KCNAB1: variants seen among roughly 807,000 people sequenced by gnomAD.
The protein encoded by KCNAB1 is potassium voltage-gated channel subfamily A regulatory beta subunit 1.
In KCNAB1, 35 loss-of-function variants were observed where a neutral mutation model predicts 64.6. That is an observed-to-expected ratio of 0.54 (90% CI 0.41 to 0.72). KCNAB1 has a LOEUF of 0.72. Among genes scored for constraint, KCNAB1 ranks in the 30% least tolerant of loss-of-function variants. KCNAB1 has a pLI of 0.00. For synonymous variants in KCNAB1, 177 were observed against 183.8 expected (o/e 0.96, Z 0.30); for missense variants, 401 against 512.9 (o/e 0.78, Z 2.11).
chr3:156,430,585 C>T (rs1716136156), intron 2 of KCNAB1, among the ~76,000 whole-genome samples: 1 of 152,148 alleles, frequency 6.6e-6, no homozygotes, highest in Non-Finnish European at 1.5e-5. Context: ...CCACCAGCTC[C>T]ATTGTGAGAA....
At chr3:156,317,175 G>A (rs1315673443) in intron 1 of KCNAB1, among the ~76,000 whole-genome samples, 1 of 152,126 alleles carries the variant, frequency 6.6e-6, no homozygotes. Context: ...ATTCTACTCA[G>A]AGGTGGGATA....
chr3:156,523,186 A>G (rs1202865682), intron 11 of KCNAB1, among the ~76,000 whole-genome samples: 1 of 152,242 alleles, frequency 6.6e-6, no homozygotes, highest in Non-Finnish European at 1.5e-5. Flanking sequence ...CAATAGTTAT[A>G]CAATAGGTAA....
At chr3:156,469,764 A>G (rs1055212270) in intron 7 of KCNAB1, among the ~76,000 whole-genome samples, 2 of 152,218 alleles carry the variant, frequency 1.3e-5, no homozygotes, top group Non-Finnish European at 2.9e-5. Context: ...TGCCAAAGAT[A>G]AAGCCTTGTG....
chr3:156,280,762 C>G (rs1184325849), intron 1 of KCNAB1, among the ~76,000 whole-genome samples: 6 of 151,576 alleles, frequency 4.0e-5, no homozygotes, highest in Non-Finnish European at 8.9e-5. Flanking sequence ...TGATTTGGCT[C>G]TCTGTCTGTT....
Position 156,399,019 on chromosome 3 carries a change from GCT to G in KCNAB1, c.276-22588_276-22587del, listed in dbSNP as rs1013169417. ...CTCCCATCAATCTCCTACCCACCAAGCTCTCTCTCTTTAATACCTCCCTCTTC... is the reference window on the plus strand; with the variant it reads ...CTCCCATCAATCTCCTACCCACCAAGCTCTCTCTTTAATACCTCCCTCTTC... On this transcript the variant is annotated intron_variant, in intron 1 of 13. Coordinates refer to ENST00000490337, the MANE Select transcript of KCNAB1 (RefSeq NM_172160.3). 4.6e-4 allele frequency among the ~76,000 whole-genome samples: 70 copies of G among 152,176 alleles called. 2 individuals are homozygous for G. The highest frequency in any genetic ancestry group is 1.6e-3 in the African/African-American group (65 of 41,530).
chr3:156,284,590 C>T (rs1425165220), intron 1 of KCNAB1, among the ~76,000 whole-genome samples: 2 of 152,202 alleles, frequency 1.3e-5, no homozygotes, highest in African/African-American at 2.4e-5. Context: ...GCAGTTTGAT[C>T]TCAGACTGCT....
rs1375914538 is a variant in KCNAB1 at position 156,537,181 on chromosome 3, A to AT, written c.*439dup. ...TTCAGTGAAGGAAAGGAATTGAGAG[A>AT]TTTTTCTTAGTAAATAGATTATTGT... On this transcript the variant is annotated 3_prime_UTR_variant, in exon 14 of 14. Transcript: ENST00000490337. 6 of 397,006 alleles carry AT rather than the reference A, an allele frequency of 1.5e-5. No individual in the cohort carries two copies. The highest frequency in any genetic ancestry group is 2.2e-5 in the Non-Finnish European group (5 of 225,360). The allele number at this position is 397,006 out of a possible 1,614,324, so 24.6% of individuals were successfully genotyped here.
chr3:156,478,133 A>T (rs1250866156), intron 8 of KCNAB1, among the ~76,000 whole-genome samples: 1 of 152,166 alleles, frequency 6.6e-6, no homozygotes, highest in Non-Finnish European at 1.5e-5. Context: ...TGAAAAAATC[A>T]TCACCAGATA....
intron 1 of KCNAB1, among the ~76,000 whole-genome samples, chr3:156,276,034 C>A (rs1289676028): frequency 6.6e-6 from 1 of 151,900 alleles, no homozygotes; most frequent in Non-Finnish European, 1.5e-5. Flanking sequence ...GCAGCTGTAG[C>A]CTTATGAAAT....
intron 1 of KCNAB1, among the ~76,000 whole-genome samples, chr3:156,249,995 G>T (rs1339245592): frequency 2.6e-5 from 4 of 152,206 alleles, no homozygotes; most frequent in African/African-American, 9.6e-5. Flanking sequence ...AGGGGAAACT[G>T]ATTGGAGTGA....
At chr3:156,174,844 A>T (rs1358202086) in intron 1 of KCNAB1, among the ~76,000 whole-genome samples, 1 of 152,212 alleles carries the variant, frequency 6.6e-6, no homozygotes, top group African/African-American at 2.4e-5. Flanking sequence ...ATGAGGGTGC[A>T]TCTGCCAGTG....
chr3:156,253,315 G>A (rs927799336), intron 1 of KCNAB1, among the ~76,000 whole-genome samples: 3 of 152,166 alleles, frequency 2.0e-5, no homozygotes, highest in East Asian at 1.9e-4. Context: ...AGTGAGATAC[G>A]TGGCTGAAAC....
intron 1 of KCNAB1, among the ~76,000 whole-genome samples, chr3:156,268,220 C>T (rs766386439): frequency 1.3e-5 from 2 of 151,902 alleles, no homozygotes; most frequent in Non-Finnish European, 2.9e-5. Flanking sequence ...TTTTTATGGC[C>T]GAATAAAATT....
At chr3:156,210,005 T>C (rs1714915052) in intron 1 of KCNAB1, among the ~76,000 whole-genome samples, 1 of 152,220 alleles carries the variant, frequency 6.6e-6, no homozygotes, top group South Asian at 2.1e-4. Flanking sequence ...TACTAAATCA[T>C]CAATACATTG....
At chr3:156,536,206 G>C (rs570702878) in intron 13 of KCNAB1, among the ~76,000 whole-genome samples, 2 of 152,324 alleles carry the variant, frequency 1.3e-5, no homozygotes, top group South Asian at 4.1e-4. Flanking sequence ...AGTCCAAACA[G>C]AGATGTGCTT....
At chr3:156,207,173 C>T (rs1001247990) in intron 1 of KCNAB1, among the ~76,000 whole-genome samples, 1 of 152,208 alleles carries the variant, frequency 6.6e-6, no homozygotes, top group Non-Finnish European at 1.5e-5. Context: ...GAGGCCTTAT[C>T]ATTTGGTTTG....
At chr3:156,321,369 A>G (rs1156832304) in intron 1 of KCNAB1, among the ~76,000 whole-genome samples, 1 of 152,164 alleles carries the variant, frequency 6.6e-6, no homozygotes, top group Non-Finnish European at 1.5e-5. Context: ...AAGATGGGTA[A>G]TATTGGCCCA....
intron 7 of KCNAB1, among the ~76,000 whole-genome samples, chr3:156,469,627 G>A (rs1039704583): frequency 6.6e-6 from 1 of 152,172 alleles, no homozygotes; most frequent in Admixed American, 6.5e-5. Context: ...AACCAGTTCA[G>A]CTGAAATTCA....
At chr3:156,154,229 TAGTAGTGCAG>T (rs1398822590) in intron 1 of KCNAB1, among the ~76,000 whole-genome samples, 1 of 8,720 alleles carries the variant, frequency 1.1e-4, no homozygotes, top group Non-Finnish European at 2.4e-4. Context: ...GTAGTGCAGA[TAGTAGTGCAG>T]ATGTCTAACA....
Sources: allele counts gnomAD v4.1 joint callset (sites outside exome capture counted in the v4.1 genomes callset), GRCh38; gene constraint gnomAD v4.1.1; transcripts MANE v1.5; gene names NCBI Gene and HGNC (gene_info 2026-07-23, HGNC 2026-07-21).